The following XPR1 variants were observed in gnomAD, a reference collection of about 807,000 sequenced individuals.
XPR1 encodes xenotropic and polytropic retrovirus receptor 1.
Under a neutral mutation model 87.5 loss-of-function variants are expected in XPR1, and 28 were observed. The ratio of observed to expected loss-of-function variants is 0.32; its 90% CI spans 0.24 to 0.44. The LOEUF (loss-of-function observed/expected upper bound fraction) is 0.44. XPR1 is among the 20% of genes least tolerant of loss of function. XPR1 has a pLI of 1.00. For missense variants in XPR1, 559 were observed against 862.3 expected (o/e 0.65, Z 4.41); for synonymous variants, 300 against 306.1 (o/e 0.98, Z 0.21).
intron 7 of XPR1, among the ~76,000 whole-genome samples, chr1:180,815,995 C>T (rs1001451625): frequency 6.6e-6 from 1 of 152,120 alleles, no homozygotes; most frequent in Non-Finnish European, 1.5e-5. Context: ...GTAGAAAAAT[C>T]CTAGAAACCA....
chr1:180,865,982 C>T (rs1013231606), intron 12 of XPR1, among the ~76,000 whole-genome samples: 3 of 152,076 alleles, frequency 2.0e-5, no homozygotes, highest in Admixed American at 2.0e-4. Flanking sequence ...GAGGCCAGGA[C>T]AGAAGAATTG....
At chr1:180,728,458 C>T (rs1322088694) in intron 2 of XPR1, among the ~76,000 whole-genome samples, 3 of 152,124 alleles carry the variant, frequency 2.0e-5, no homozygotes, top group African/African-American at 4.8e-5. Context: ...GATATTTATC[C>T]TCAAAGTCAG....
In XPR1 at chr1:180,642,621, T is replaced by A. The variant is rs144112847; in HGVS notation, c.69+10351T>A. On this transcript the variant is annotated intron_variant, in intron 1 of 14. Coordinates refer to ENST00000367590, the MANE Select transcript of XPR1 (RefSeq NM_004736.4). ...AGCTAGGGAGTGTTAGAACCAGAAT[T>A]CAGACACAGGTATGACACAGATATT... Among the ~76,000 whole-genome samples, 442 of 152,202 alleles carry A rather than the reference T, an allele frequency of 2.9e-3. 3 individuals are homozygous for A. Among genetic ancestry groups the A allele is most frequent in the African/African-American group, 9.6e-3 (400 of 41,540 alleles).
chr1:180,644,145 AC>A (rs1655038595), intron 1 of XPR1, among the ~76,000 whole-genome samples: 2 of 152,322 alleles, frequency 1.3e-5, no homozygotes, highest in East Asian at 1.9e-4. Context: ...AGGCTAAAAT[AC>A]GTTTTTCCTG....
chr1:180,765,998 C>T (rs1410538055), intron 2 of XPR1, among the ~76,000 whole-genome samples: 1 of 151,822 alleles, frequency 6.6e-6, no homozygotes, highest in Non-Finnish European at 1.5e-5. Context: ...CAAAAGACAC[C>T]GAGATATATA....
chr1:180,807,987 A>G (rs1266431414), intron 6 of XPR1, among the ~76,000 whole-genome samples: 1 of 152,094 alleles, frequency 6.6e-6, no homozygotes, highest in Non-Finnish European at 1.5e-5. Context: ...ACAGAGCAAG[A>G]CTCTGTCTCC....
intron 2 of XPR1, among the ~76,000 whole-genome samples, chr1:180,703,614 A>C (rs1657440711): frequency 6.6e-6 from 1 of 152,196 alleles, no homozygotes; most frequent in African/African-American, 2.4e-5. Flanking sequence ...GGGCAGGACT[A>C]CCCTCATGCC....
At position 180,883,345 on chromosome 1, in the gene XPR1, C is replaced by T. The variant is rs114653590; in HGVS notation, c.2031-661C>T. Among the ~76,000 whole-genome samples, 524 of 151,982 alleles carry T rather than the reference C, an allele frequency of 3.4e-3. 4 individuals are homozygous for T. Among genetic ancestry groups the T allele is most frequent in the African/African-American group, 0.012 (515 of 41,410 alleles). ...AGGTGAAAGTGGTATTCAGTGAAAT[C>T]GGTGTTACCATTCCTGCCTTACAGA... On this transcript the variant is annotated intron_variant, in intron 14 of 14. Transcript: ENST00000367590.
chr1:180,667,860 A>G (rs1055663904), intron 1 of XPR1, among the ~76,000 whole-genome samples: 4 of 151,946 alleles, frequency 2.6e-5, no homozygotes, highest in African/African-American at 7.3e-5. Flanking sequence ...GGATTATCCA[A>G]TTTTTTGGTG....
intron 1 of XPR1, among the ~76,000 whole-genome samples, chr1:180,661,864 G>A (rs984727286): frequency 1.3e-5 from 2 of 152,082 alleles, no homozygotes; most frequent in African/African-American, 4.8e-5. Flanking sequence ...GACAGAATGA[G>A]ACTCTGTCTC....
intron 2 of XPR1, among the ~76,000 whole-genome samples, chr1:180,702,424 G>T (rs1170995078): frequency 6.6e-6 from 1 of 151,358 alleles, no homozygotes; most frequent in Non-Finnish European, 1.5e-5. Flanking sequence ...TTGATTTGGG[G>T]TGGAGAGTTC....
At chr1:180,879,996 C>T (rs1393200025) in intron 13 of XPR1, 80 bp from the exon 14 acceptor site, 8 of 1,471,920 alleles carry the variant, frequency 5.4e-6, no homozygotes, top group Non-Finnish European at 6.6e-6. Flanking sequence ...TGAGTGGAAA[C>T]TTGATACACT....
chr1:180,842,169 AG>A lies in XPR1; in HGVS notation c.1501+5455del, dbSNP rs1179107433. Among the ~76,000 whole-genome samples the A allele has an allele frequency of 2.0e-5, 3 of 152,338 alleles. No individual in the cohort carries two copies. The East Asian group carries it at 5.8e-4, about 29-fold the overall frequency. On this transcript the variant is annotated intron_variant, in intron 11 of 14. Transcript: ENST00000367590. ...ACAAAGGATAAATTTTAGAGGGGCA[AG>A]GAGTAAAAGACAGTGAGGTAACCTT... is the stretch of plus-strand genomic sequence containing the variant.
chr1:180,654,521 T>C (rs919941681), intron 1 of XPR1, among the ~76,000 whole-genome samples: 1 of 152,112 alleles, frequency 6.6e-6, no homozygotes, highest in Non-Finnish European at 1.5e-5. Context: ...CTCAATTCTT[T>C]TCATCTTGTA....
At chr1:180,883,606 G>A (rs1652914703) in intron 14 of XPR1, among the ~76,000 whole-genome samples, 1 of 152,006 alleles carries the variant, frequency 6.6e-6, no homozygotes, top group South Asian at 2.1e-4. Flanking sequence ...CTACTCAGGA[G>A]GCTGAGGCAG....
intron 9 of XPR1, among the ~76,000 whole-genome samples, chr1:180,828,860 A>T (rs972556522): frequency 3.3e-5 from 5 of 152,138 alleles, no homozygotes; most frequent in African/African-American, 4.8e-5. Context: ...CTTATGTTAG[A>T]TGTTTAACTT....
At chr1:180,680,605 C>T (rs1031318152) in intron 1 of XPR1, among the ~76,000 whole-genome samples, 5 of 152,060 alleles carry the variant, frequency 3.3e-5, no homozygotes, top group African/African-American at 7.2e-5. Flanking sequence ...CCTCGTGATC[C>T]GCTCTCCTCG....
chr1:180,799,067 C>G (rs1000240912), intron 3 of XPR1, among the ~76,000 whole-genome samples: 1 of 152,136 alleles, frequency 6.6e-6, no homozygotes, highest in Admixed American at 6.5e-5. Context: ...TTACTTTTAG[C>G]CAGTAAACCC....
At chr1:180,814,135 C>A (rs1365138440) in intron 7 of XPR1, among the ~76,000 whole-genome samples, 1 of 152,128 alleles carries the variant, frequency 6.6e-6, no homozygotes, top group Non-Finnish European at 1.5e-5. Flanking sequence ...TTAAGACTAT[C>A]AATTGTATAT....
Sources: allele counts gnomAD v4.1 joint callset (sites outside exome capture counted in the v4.1 genomes callset), GRCh38; gene constraint gnomAD v4.1.1; transcripts MANE v1.5; gene names NCBI Gene and HGNC (gene_info 2026-07-23, HGNC 2026-07-21).